The following CFAP77 variants were observed in gnomAD, a reference collection of about 807,000 sequenced individuals.
The protein encoded by CFAP77 is cilia- and flagella-associated protein 77.
In CFAP77, 25 loss-of-function variants were observed where a neutral mutation model predicts 31.1. That is an observed-to-expected ratio of 0.80 (90% CI 0.59 to 1.12). The LOEUF (loss-of-function observed/expected upper bound fraction) is 1.12. Among genes scored for constraint, CFAP77 ranks in the 50% most tolerant of loss-of-function variants. CFAP77 has a pLI of 0.00. For missense variants in CFAP77, 377 were observed against 397.3 expected, an observed-to-expected ratio of 0.95 and a Z score of 0.44; for synonymous variants, 151 against 159.9, an observed-to-expected ratio of 0.94 and a Z score of 0.42.
At chr9:132,558,162 A>G (rs900230503) in intron 5 of CFAP77, among the ~76,000 whole-genome samples, 1 of 152,262 alleles carries the variant, frequency 6.6e-6, no homozygotes, top group African/African-American at 2.4e-5. Context: ...ATAAATTGCT[A>G]TAGGTATTCC....
At chr9:132,572,267 C>T in intron 5 of CFAP77, 121 bp from the exon 6 acceptor site, 1 of 1,270,046 alleles carries the variant, frequency 7.9e-7, no homozygotes, top group South Asian at 1.4e-5. Flanking sequence ...TGACTTCCTC[C>T]CTCTTACAGC....
chr9:132,569,730 T>G (rs1829931239), intron 5 of CFAP77, among the ~76,000 whole-genome samples: 1 of 101,020 alleles, frequency 9.9e-6, no homozygotes, highest in South Asian at 3.0e-4. Flanking sequence ...TAGCTGCCCT[T>G]TTTTTTTTTT....
intron 1 of CFAP77, among the ~76,000 whole-genome samples, chr9:132,438,899 G>A (rs867447428): frequency 1.5e-4 from 22 of 147,324 alleles, no homozygotes; most frequent in Admixed American, 4.1e-4. Flanking sequence ...TTTCTGAGAC[G>A]GAATCTCACT....
chr9:132,422,957 T>C (rs1161058786), intron 1 of CFAP77, among the ~76,000 whole-genome samples: 1 of 152,214 alleles, frequency 6.6e-6, no homozygotes, highest in Non-Finnish European at 1.5e-5. Flanking sequence ...CTACGATTTG[T>C]TTACTTTTTG....
At chr9:132,458,343 G>C (rs1247659411) in intron 1 of CFAP77, among the ~76,000 whole-genome samples, 2 of 102,636 alleles carry the variant, frequency 1.9e-5, no homozygotes, top group African/African-American at 3.7e-5. Context: ...TCTCCCTGGC[G>C]GGGGAGGGGG....
intron 1 of CFAP77, among the ~76,000 whole-genome samples, chr9:132,427,903 T>G (rs1850343934): frequency 6.6e-6 from 1 of 152,164 alleles, no homozygotes; most frequent in East Asian, 1.9e-4. Context: ...TACTGGGAGT[T>G]AGGACTTCAG....
rs58404993 is a variant in CFAP77 at position 132,504,263 on chromosome 9, G to A, written c.524+4663G>A. Among the ~76,000 whole-genome samples, 274 of 152,298 alleles carry A rather than the reference G, an allele frequency of 1.8e-3. 1 individual carries two copies. Among genetic ancestry groups the A allele is most frequent in the African/African-American group, 6.3e-3 (263 of 41,562 alleles). On this transcript the variant is annotated intron_variant, in intron 3 of 5. Coordinates refer to ENST00000393216, the MANE Select transcript of CFAP77 (RefSeq NM_001282957.2). Reference sequence around the variant, plus strand: ...CCTACTTCCTTGGAACCGATGTGCAGCCGGAACACCCACAGCTTCTCATCC... The same window carrying A: ...CCTACTTCCTTGGAACCGATGTGCAACCGGAACACCCACAGCTTCTCATCC...
chr9:132,435,747 A>G (rs1683898147), intron 1 of CFAP77, among the ~76,000 whole-genome samples: 1 of 152,178 alleles, frequency 6.6e-6, no homozygotes, highest in African/African-American at 2.4e-5. Context: ...GGTGTCCAGC[A>G]TGACCTCACC....
chr9:132,410,388 G>A lies in CFAP77; in HGVS notation c.117G>A (p.Ala39=), dbSNP rs752880338. The A allele has an allele frequency of 3.7e-6, 6 of 1,600,824 alleles. No individual in the cohort carries two copies. In the Admixed American group the frequency reaches 6.7e-5, roughly 18 times the overall value. ...CCCCGCGGCGGCCCCTGACCGTGGC[G>A]GACATCCGTTCCGGCATGGAGAACG... ...CPPPRRPLTV[A]DIRSGMENER... The change falls in exon 1 of 6, where the codon GCG becomes GCA. Residue 39 remains alanine, a synonymous_variant. Transcript: ENST00000393216.
chr9:132,486,024 A>ATGTATATGTATGTGTGTGTG lies in CFAP77; in HGVS notation c.196-12670_196-12669insGTATATGTATGTGTGTGTGT, dbSNP rs1396799905. ...TATATATATATATATATATATATATATATATATATATATATATGTATGTAT... is the reference window on the plus strand; with the variant it reads ...TATATATATATATATATATATATATATGTATATGTATGTGTGTGTGTATATATATATATATATGTATGTAT... On this transcript the variant is annotated intron_variant, in intron 1 of 5. Coordinates refer to ENST00000393216, the MANE Select transcript of CFAP77 (RefSeq NM_001282957.2). Among the ~76,000 whole-genome samples, 35 of 43,328 alleles carry ATGTATATGTATGTGTGTGTG rather than the reference A, an allele frequency of 8.1e-4. 3 individuals carry two copies. The highest frequency in any genetic ancestry group is 7.8e-3 in the African/African-American group (32 of 4,078). 28.4% of individuals were successfully genotyped at this position (43,328 alleles called of 152,430 possible). A position where few individuals can be genotyped will look rare whatever the true frequency, so the allele number is the denominator to read the frequency against.
At position 132,537,818 on chromosome 9, in the gene CFAP77, A is replaced by C. The variant is rs1266558356; in HGVS notation, c.630+112A>C. 4.7e-5 allele frequency: 36 copies of C among 766,280 alleles called. No homozygotes were observed. The East Asian group carries it at 8.9e-4, about 19-fold the overall frequency. 47.5% of individuals were successfully genotyped at this position (766,280 alleles called of 1,614,324 possible). On this transcript the variant is annotated intron_variant, in intron 4 of 5. Coordinates refer to ENST00000393216, the MANE Select transcript of CFAP77 (RefSeq NM_001282957.2). ...TTGTGTATGTTTGTCATTGGGGATG[A>C]GTGGGAAATCAGGTTGCATCTTCTG...
At chr9:132,479,481 G>A (rs1455041619) in intron 1 of CFAP77, among the ~76,000 whole-genome samples, 1 of 152,208 alleles carries the variant, frequency 6.6e-6, no homozygotes, top group Non-Finnish European at 1.5e-5. Flanking sequence ...GTTTGGTTGA[G>A]CCAAGGTCCT....
chr9:132,445,786 T>C (rs1721415367), intron 1 of CFAP77, among the ~76,000 whole-genome samples: 1 of 150,882 alleles, frequency 6.6e-6, no homozygotes, highest in Non-Finnish European at 1.5e-5. Context: ...GGAGAATCAC[T>C]TGAACCTGGG....
rs374193599 is a variant in CFAP77 at position 132,419,436 on chromosome 9, A to G, written c.195+8970A>G. 1.1e-4 allele frequency among the ~76,000 whole-genome samples: 16 copies of G among 152,318 alleles called. No individual in the cohort carries two copies. The East Asian group carries it at 2.9e-3, about 28-fold the overall frequency. On this transcript the variant is annotated intron_variant, in intron 1 of 5. Coordinates refer to ENST00000393216, the MANE Select transcript of CFAP77 (RefSeq NM_001282957.2). ...GCAGCCCCAGGGAGCCAAAGCTCGG[A>G]TGCCACAGCCTCCCACAAAGATGGG...
intron 1 of CFAP77, among the ~76,000 whole-genome samples, chr9:132,427,627 C>A (rs1415751284): frequency 3.9e-5 from 6 of 152,022 alleles, no homozygotes; most frequent in Non-Finnish European, 7.4e-5. Flanking sequence ...AAAAAAACAA[C>A]AACAAAAAAA....
intron 1 of CFAP77, among the ~76,000 whole-genome samples, chr9:132,493,404 GTGT>G (rs1851682178): frequency 6.6e-6 from 1 of 152,224 alleles, no homozygotes; most frequent in African/African-American, 2.4e-5. Flanking sequence ...AATAGTCATT[GTGT>G]TGTTGTTGCT....
chr9:132,567,789 C>G (rs114492466), intron 5 of CFAP77, among the ~76,000 whole-genome samples: 3 of 152,158 alleles, frequency 2.0e-5, no homozygotes, highest in Non-Finnish European at 4.4e-5. Flanking sequence ...TGTGGGCTCC[C>G]GATGCTCCTT....
At chr9:132,500,514 T>G (rs965008136) in intron 3 of CFAP77, among the ~76,000 whole-genome samples, 2 of 151,986 alleles carry the variant, frequency 1.3e-5, no homozygotes, top group African/African-American at 4.8e-5. Context: ...ATTTTTAAAA[T>G]TTTTTATTGA....
At chr9:132,485,527 C>T (rs577003465) in intron 1 of CFAP77, among the ~76,000 whole-genome samples, 4 of 152,264 alleles carry the variant, frequency 2.6e-5, no homozygotes, top group Non-Finnish European at 5.9e-5. Context: ...AGGCTGGCAG[C>T]GGCGGATCTC....
Sources: allele counts gnomAD v4.1 joint callset (sites outside exome capture counted in the v4.1 genomes callset), GRCh38; gene constraint gnomAD v4.1.1; transcripts MANE v1.5; gene names NCBI Gene and HGNC (gene_info 2026-07-23, HGNC 2026-07-21).